The following CAB39L variants were observed in gnomAD, a reference collection of about 807,000 sequenced individuals.
The protein encoded by CAB39L is calcium binding protein 39 like, also known as calcium-binding protein 39-like.
A neutral mutation model predicts 39.1 loss-of-function variants in CAB39L; 23 were observed. The ratio of observed to expected loss-of-function variants is 0.59; its 90% confidence interval spans 0.42 to 0.83. The LOEUF is 0.83. CAB39L is among the 40% of genes least tolerant of loss of function. The pLI is 0.00. For missense variants in CAB39L, 366 were observed against 391.9 expected, an observed-to-expected ratio of 0.93 and a Z score of 0.56; for synonymous variants, 126 against 137.2, an observed-to-expected ratio of 0.92 and a Z score of 0.57.
chr13:49,347,893 G>T (rs1396373517), intron 7 of CAB39L, among the ~76,000 whole-genome samples: 1 of 151,392 alleles, frequency 6.6e-6, no homozygotes, highest in African/African-American at 2.4e-5. Flanking sequence ...TCCCTCACTC[G>T]GCTGTTCTCC....
At chr13:49,329,544 A>AAAATAT (rs1555252274) in intron 10 of CAB39L, among the ~76,000 whole-genome samples, 2 of 33,834 alleles carry the variant, frequency 5.9e-5, no homozygotes, top group Admixed American at 3.8e-4. Context: ...TAAAAAAAAA[A>AAAATAT]ATATATATAT....
intron 7 of CAB39L, among the ~76,000 whole-genome samples, chr13:49,345,729 C>T (rs1226933706): frequency 6.6e-6 from 1 of 152,006 alleles, no homozygotes; most frequent in Admixed American, 6.6e-5. Flanking sequence ...GAGGGAGCCC[C>T]CTCTATGGGC....
intron 4 of CAB39L, among the ~76,000 whole-genome samples, chr13:49,380,953 G>A (rs1359779477): frequency 2.0e-5 from 3 of 152,164 alleles, no homozygotes; most frequent in Non-Finnish European, 2.9e-5. Flanking sequence ...TTAAGATGGA[G>A]TTTTGCTCTT....
At chr13:49,420,113 T>G (rs767219525) in intron 3 of CAB39L, among the ~76,000 whole-genome samples, 14 of 152,214 alleles carry the variant, frequency 9.2e-5, no homozygotes, top group Non-Finnish European at 1.9e-4. Flanking sequence ...TCCATTTAGA[T>G]ATCTGTGAAA....
At chr13:49,362,083 A>G (rs1454774692) in intron 5 of CAB39L, among the ~76,000 whole-genome samples, 2 of 151,818 alleles carry the variant, frequency 1.3e-5, no homozygotes, top group Admixed American at 1.3e-4. Context: ...GATGTATAAT[A>G]TATGTTTTAT....
chr13:49,377,852 C>T (rs1956123522), intron 4 of CAB39L, among the ~76,000 whole-genome samples: 1 of 87,656 alleles, frequency 1.1e-5, no homozygotes, highest in Non-Finnish European at 2.3e-5. Context: ...CCTGGCTGCC[C>T]AGTCTGGAAA....
At chr13:49,384,529 A>T (rs987972986) in intron 3 of CAB39L, among the ~76,000 whole-genome samples, 3 of 152,160 alleles carry the variant, frequency 2.0e-5, no homozygotes, top group Middle Eastern at 3.2e-3. Flanking sequence ...TTTTTCTATT[A>T]AGTTTGCCCA....
chr13:49,310,507 A>G lies in CAB39L; in HGVS notation c.*307T>C, dbSNP rs1364801507. On this transcript the variant is annotated 3_prime_UTR_variant, in exon 11 of 11. Coordinates refer to ENST00000409308, the MANE Select transcript of CAB39L (RefSeq NM_001079670.3). The stretch of plus-strand genomic sequence containing the variant: ...CTTGAAGACTTGGTGATGCCTGTCA[A>G]TTGAGCTCCCATTTAGCGGCTCATT... 4 of 232,732 alleles carry G rather than the reference A, an allele frequency of 1.7e-5. No individual in the cohort carries two copies. The highest frequency in any genetic ancestry group is 3.4e-5 in the Non-Finnish European group (4 of 118,358). 14.4% of individuals were successfully genotyped at this position (232,732 alleles called of 1,614,324 possible). A position where few individuals can be genotyped will look rare whatever the true frequency, so the allele number is the denominator to read the frequency against.
intron 3 of CAB39L, among the ~76,000 whole-genome samples, chr13:49,399,772 G>A (rs1221171046): frequency 3.9e-5 from 6 of 152,106 alleles, no homozygotes; most frequent in Non-Finnish European, 8.8e-5. Context: ...ATTCTGAAGA[G>A]TGTGAAGCTG....
chr13:49,408,479 A>G (rs1024522463), intron 3 of CAB39L, among the ~76,000 whole-genome samples: 6 of 152,172 alleles, frequency 3.9e-5, no homozygotes, highest in Non-Finnish European at 7.3e-5. Flanking sequence ...CTGCAGTACG[A>G]GAGAGACCAA....
intron 3 of CAB39L, among the ~76,000 whole-genome samples, chr13:49,410,764 A>T (rs528383195): frequency 2.0e-4 from 31 of 152,348 alleles, no homozygotes; most frequent in Admixed American, 3.3e-4. Context: ...ACAAACACAT[A>T]GCATTTGCAA....
intron 6 of CAB39L, among the ~76,000 whole-genome samples, chr13:49,357,665 CT>C (rs1258355829): frequency 1.3e-5 from 2 of 152,104 alleles, no homozygotes; most frequent in Non-Finnish European, 2.9e-5. Context: ...TACGCATTCT[CT>C]TCATTCTCAG....
chr13:49,422,424 G>T lies in CAB39L; in HGVS notation c.-32+10894C>A, dbSNP rs9316450. On this transcript the variant is annotated intron_variant, in intron 3 of 10. Transcript: ENST00000409308. ...CTTATTTCTACTAAAAATACAAAAA[G>T]TTAGTTGGGCATAATGGCATTAGCC... 1.7e-3 allele frequency among the ~76,000 whole-genome samples: 262 copies of T among 152,172 alleles called. 1 individual carries two copies. Among genetic ancestry groups the T allele is most frequent in the African/African-American group, 6.2e-3 (257 of 41,502 alleles).
At chr13:49,426,834 C>T (rs1180352380) in intron 3 of CAB39L, among the ~76,000 whole-genome samples, 4 of 152,170 alleles carry the variant, frequency 2.6e-5, no homozygotes, top group Admixed American at 1.3e-4. Flanking sequence ...CATTACTATA[C>T]GTGTTTGTTT....
intron 3 of CAB39L, among the ~76,000 whole-genome samples, chr13:49,390,418 C>T (rs1956462935): frequency 6.8e-6 from 1 of 146,644 alleles, no homozygotes; most frequent in African/African-American, 2.4e-5. Context: ...AGCTACTTTG[C>T]CCAGTTCTTT....
intron 9 of CAB39L, among the ~76,000 whole-genome samples, chr13:49,337,149 T>G (rs567132199): frequency 2.4e-4 from 37 of 152,350 alleles, no homozygotes; most frequent in African/African-American, 8.4e-4. Context: ...AGATTGACTT[T>G]ATTGTCTTAG....
intron 1 of CAB39L, among the ~76,000 whole-genome samples, chr13:49,442,029 GA>G (rs1957533876): frequency 6.6e-6 from 1 of 152,152 alleles, no homozygotes; most frequent in South Asian, 2.1e-4. Context: ...TCCTTGCCAG[GA>G]AATGTATTGT....
At chr13:49,356,370 T>C (rs1306134815) in intron 6 of CAB39L, among the ~76,000 whole-genome samples, 1 of 152,214 alleles carries the variant, frequency 6.6e-6, no homozygotes, top group African/African-American at 2.4e-5. Context: ...TATGGATCAC[T>C]GAGAGCTGTT....
At chr13:49,393,018 G>GT (rs2138626861) in intron 3 of CAB39L, 1 of 152,108 alleles carries the variant, frequency 6.6e-6, no homozygotes, top group African/African-American at 2.4e-5. Flanking sequence ...CTTACTAAAA[G>GT]GAGGTATAAA....
Sources: allele counts gnomAD v4.1 joint callset (sites outside exome capture counted in the v4.1 genomes callset), GRCh38; gene constraint gnomAD v4.1.1; transcripts MANE v1.5; gene names NCBI Gene and HGNC (gene_info 2026-07-23, HGNC 2026-07-21).